Variants in WNK2 observed in about 807,000 individuals in gnomAD.
The protein encoded by WNK2 is WNK lysine deficient protein kinase 2.
In WNK2, 67 loss-of-function variants were observed where a neutral mutation model predicts 192.1. That is an observed-to-expected ratio of 0.35 (90% CI 0.29 to 0.43). The LOEUF (loss-of-function observed/expected upper bound fraction) is 0.43, where lower values mean the gene tolerates loss of function less well. WNK2 is among the 20% of genes least tolerant of loss of function. WNK2 has a pLI of 1.00. For synonymous variants in WNK2, 1,439 were observed against 1,393.9 expected, an observed-to-expected ratio of 1.03 and a Z score of -0.72; for missense variants, 2,698 against 3,089.7, an observed-to-expected ratio of 0.87 and a Z score of 3.01.
In WNK2 at chr9:93,247,884, G is replaced by T; in HGVS notation, c.1834+50G>T. On this transcript the variant is annotated intron_variant, in intron 8 of 29. Transcript: ENST00000427277. The surrounding 1 kb of genome is among the most constrained non-coding windows in gnomAD (Gnocchi z 5.2). ...CATGGGCACCCCTCCCACCTACCCT[G>T]CAAAAACCAGCTATTGGGCAAAGAA... The T allele has an allele frequency of 6.7e-7, 1 of 1,503,146 alleles. No homozygotes were observed. The highest frequency in any genetic ancestry group is 8.8e-7 in the Non-Finnish European group (1 of 1,130,142). The allele number at this position is 1,503,146 out of a possible 1,614,324, so 93.1% of individuals were successfully genotyped here.
intron 29 of WNK2, chr9:93,318,842 C>T (rs1855172492): frequency 2.9e-6 from 4 of 1,400,822 alleles, no homozygotes; most frequent in Non-Finnish European, 3.7e-6. Context: ...GAGGGGAAGG[C>T]CCCAGCCTCC....
At position 93,259,652 on chromosome 9, in the gene WNK2, T is replaced by C; in HGVS notation, c.3066+38T>C. 6.7e-7 allele frequency: 1 copy of C among 1,494,968 alleles called. No individual in the cohort carries two copies. The highest frequency in any genetic ancestry group is 8.9e-7 in the Non-Finnish European group (1 of 1,127,828). 92.6% of individuals were successfully genotyped at this position (1,494,968 alleles called of 1,614,324 possible). On this transcript the variant is annotated intron_variant, in intron 12 of 29. Transcript: ENST00000427277. The surrounding 1 kb of genome is among the most constrained non-coding windows in gnomAD (Gnocchi z 4.8). ...TGGGCAGGGGCTCACCCTCCCAGCG[T>C]CTGGGGACCCTCAGGACCCAGAGAT... is the stretch of plus-strand genomic sequence containing the variant.
At chr9:93,211,231 C>T (rs1834546364) in intron 2 of WNK2, among the ~76,000 whole-genome samples, 2 of 126,714 alleles carry the variant, frequency 1.6e-5, no homozygotes, top group Non-Finnish European at 3.3e-5. Context: ...TCCACTCACT[C>T]ACTCACTCAT....
At chr9:93,306,640 CG>C in intron 26 of WNK2, 136 bp from the exon 27 acceptor site, 1 of 1,116,390 alleles carries the variant, frequency 9.0e-7, no homozygotes, top group Non-Finnish European at 1.3e-6. Flanking sequence ...CCGGCCGGGT[CG>C]GCCCTCTCTC....
At chr9:93,211,315 CATCCACTCA>C in intron 2 of WNK2, among the ~76,000 whole-genome samples, 3 of 151,870 alleles carry the variant, frequency 2.0e-5, no homozygotes, top group African/African-American at 2.4e-5. Flanking sequence ...TTCACTCACT[CATCCACTCA>C]GTCACTCTTT....
chr9:93,202,096 C>T (rs1339098998), intron 2 of WNK2, among the ~76,000 whole-genome samples: 1 of 152,220 alleles, frequency 6.6e-6, no homozygotes, highest in Non-Finnish European at 1.5e-5. Flanking sequence ...AGTTCCTGGC[C>T]TCCAGGTAGG....
chr9:93,275,839 AG>A (rs1202806495), intron 19 of WNK2, among the ~76,000 whole-genome samples: 1 of 152,246 alleles, frequency 6.6e-6, no homozygotes, highest in Non-Finnish European at 1.5e-5. Context: ...CAAAATTTGA[AG>A]GCTATACCAT....
At chr9:93,297,158 C>A (rs1237820569) in intron 23 of WNK2, among the ~76,000 whole-genome samples, 22 of 138,654 alleles carry the variant, frequency 1.6e-4, no homozygotes, top group Non-Finnish European at 2.7e-4. Flanking sequence ...CCCTCCCCAT[C>A]CTCCCCTTCC....
At chr9:93,235,095 G>T in intron 5 of WNK2, 130 bp downstream of exon 5, 1 of 1,148,708 alleles carries the variant, frequency 8.7e-7, no homozygotes, top group Non-Finnish European at 1.2e-6. Flanking sequence ...ATTTTGCAGA[G>T]GGGGAAACTG....
chr9:93,318,595 G>T (rs1855138875), intron 29 of WNK2: 1 of 1,607,736 alleles, frequency 6.2e-7, no homozygotes, highest in Non-Finnish European at 8.5e-7. Context: ...AACCCTGGCT[G>T]CCCGCCCACC....
chr9:93,230,451 G>A (rs1284059959), intron 3 of WNK2, among the ~76,000 whole-genome samples: 1 of 152,204 alleles, frequency 6.6e-6, no homozygotes, highest in African/African-American at 2.4e-5. Flanking sequence ...CTCAGGGCAG[G>A]CCACACAGGT....
intron 2 of WNK2, among the ~76,000 whole-genome samples, chr9:93,191,002 G>A (rs1369790191): frequency 6.6e-6 from 1 of 152,216 alleles, no homozygotes; most frequent in Non-Finnish European, 1.5e-5. Context: ...AGGCCAAGGA[G>A]GTGCAAGATG....
In WNK2 at chr9:93,308,435, G is replaced by A; in HGVS notation, c.6367G>A (p.Asp2123Asn). ...NSNNKKGTFT[D>N]DLHKLVDEWT... The stretch of plus-strand genomic sequence containing the variant: ...CAACAACAAGAAGGGTACCTTCACG[G>A]ACGACCTGCACAAGCTGGTGGACGA... The change falls in exon 28 of 30, where the codon GAC (aspartate) becomes AAC (asparagine). Residue 2123 changes from aspartate (D) to asparagine (N), a missense_variant. Physicochemically the swap from Asp to Asn is conservative, Grantham distance 23. Coordinates refer to ENST00000427277, the MANE Select transcript of WNK2 (RefSeq NM_006648.4). 1 of 1,608,770 alleles carries A rather than the reference G, an allele frequency of 6.2e-7. No individual in the cohort carries two copies. Among genetic ancestry groups the A allele is most frequent in the Non-Finnish European group, 8.5e-7 (1 of 1,178,094 alleles).
rs759526876 is a variant in WNK2, at chr9:93,267,924, T to G, written c.3867+8T>G. 1.4e-5 allele frequency: 23 copies of G among 1,611,666 alleles called. No individual in the cohort carries two copies. The highest frequency in any genetic ancestry group is 1.9e-5 in the Non-Finnish European group (22 of 1,178,900). ...GGCCTGGGCACCGGGGAGGTGAGGT[T>G]GTGAAATCCGGGGTGGGAGGTGGTG... On this transcript the variant is annotated splice_region_variant and intron_variant, in intron 17 of 29. Transcript: ENST00000427277.
In WNK2 at chr9:93,234,799, C is replaced by T. The variant is rs112615506; in HGVS notation, c.1076-9C>T. On this transcript the variant is annotated splice_polypyrimidine_tract_variant and intron_variant, in intron 4 of 29. Transcript: ENST00000427277. ...AGCTGACAGCTGCGTCTGTTGCTTCCGGGCACAGGTACTCCCGAGTTCATG... is the reference window on the plus strand; with the variant it reads ...AGCTGACAGCTGCGTCTGTTGCTTCTGGGCACAGGTACTCCCGAGTTCATG... 6.4e-4 allele frequency: 1,026 copies of T among 1,609,146 alleles called. 11 individuals are homozygous for T. In the African/African-American group the frequency reaches 0.012, roughly 18 times the overall value.
Position 93,268,629 on chromosome 9 carries a change from C to T in WNK2, c.3916C>T (p.Leu1306=), listed in dbSNP as rs147164070. ...GCTGTTTCTGTTCTGCCCTTCAGTCCTGCACACCGGGAAGAGGTGGTTCAT... is the reference window on the plus strand; with the variant it reads ...GCTGTTTCTGTTCTGCCCTTCAGTCTTGCACACCGGGAAGAGGTGGTTCAT... ...ANAPVYQQNV[L]HTGKRWFIIC... The change falls in exon 19 of 30, where the codon CTG becomes TTG. Residue 1306 remains leucine (L), a splice_region_variant and synonymous_variant. Coordinates refer to ENST00000427277, the MANE Select transcript of WNK2 (RefSeq NM_006648.4). The T allele has an allele frequency of 6.8e-5, 109 of 1,611,846 alleles. No individual in the cohort carries two copies. The African/African-American group carries it at 1.2e-3, about 17-fold the overall frequency.
chr9:93,304,995 C>G (rs980349761), intron 26 of WNK2, among the ~76,000 whole-genome samples: 6 of 152,246 alleles, frequency 3.9e-5, no homozygotes, highest in Middle Eastern at 3.2e-3. Context: ...CCTCCAGACA[C>G]TCCAGACCCC....
At chr9:93,306,941 C>A in intron 27 of WNK2, 120 bp downstream of exon 27, 1 of 1,267,190 alleles carries the variant, frequency 7.9e-7, no homozygotes, top group Non-Finnish European at 1.2e-6. Flanking sequence ...CTGCCCCGCG[C>A]CTGCTCCATG....
chr9:93,219,559 C>T (rs1836421904), intron 2 of WNK2, among the ~76,000 whole-genome samples: 1 of 152,178 alleles, frequency 6.6e-6, no homozygotes, highest in Admixed American at 6.5e-5. Context: ...TTTAAGGATG[C>T]TGGTCCTTGG....
Sources: allele counts gnomAD v4.1 joint callset (sites outside exome capture counted in the v4.1 genomes callset), GRCh38; gene constraint gnomAD v4.1.1; non-coding constraint Gnocchi (gnomAD v3.1); transcripts MANE v1.5; gene names NCBI Gene and HGNC (gene_info 2026-07-23, HGNC 2026-07-21).